The following ZNF367 variants were observed in gnomAD, a reference collection of about 807,000 sequenced individuals.
ZNF367 encodes the protein C2H2 zinc finger protein ZFF29.
Under a neutral mutation model 31.8 loss-of-function variants are expected in ZNF367, and 11 were observed. The observed-to-expected ratio is 0.35, with a 90% confidence interval of 0.22 to 0.57. The LOEUF is 0.57. Ranked by LOEUF, ZNF367 falls within the 20% of genes least tolerant of loss-of-function variation. ZNF367 has a pLI of 0.85. For missense variants in ZNF367, 353 were observed against 484.1 expected (o/e 0.73, Z 2.54); for synonymous variants, 199 against 202.4 (o/e 0.98, Z 0.14).
At chr9:96,405,314 C>CAAAAAAAAAAAAAAAAAA (rs975848691) in intron 1 of ZNF367, among the ~76,000 whole-genome samples, 1 of 55,144 alleles carries the variant, frequency 1.8e-5, no homozygotes, top group Non-Finnish European at 3.7e-5. Flanking sequence ...AACTCTGTCT[C>CAAAAAAAAAAAAAAAAAA]AAAAAAAAAA....
chr9:96,413,105 A>AG (rs1288991962), intron 1 of ZNF367, among the ~76,000 whole-genome samples: 2 of 152,226 alleles, frequency 1.3e-5, no homozygotes, highest in Non-Finnish European at 2.9e-5. Flanking sequence ...AGTGCAGTAT[A>AG]GGGACTAAGA....
chr9:96,409,744 TCTTG>T (rs1831717836), intron 1 of ZNF367, among the ~76,000 whole-genome samples: 1 of 152,222 alleles, frequency 6.6e-6, no homozygotes, highest in South Asian at 2.1e-4. Flanking sequence ...ATAGCTCAAG[TCTTG>T]CTTGCTAAAA....
Position 96,418,227 on chromosome 9 carries a change from C to T in ZNF367, c.-195G>A. On this transcript the variant is annotated 5_prime_UTR_variant, in exon 1 of 5. Coordinates refer to ENST00000375256, the MANE Select transcript of ZNF367 (RefSeq NM_153695.4). ...CGGCGGGCAGGGCTGGACCCCAGCCCCAGGTCAAGCGCGCCCTCCGCTCTT... is the reference window on the plus strand; with the variant it reads ...CGGCGGGCAGGGCTGGACCCCAGCCTCAGGTCAAGCGCGCCCTCCGCTCTT... The T allele has an allele frequency of 1.3e-6, 1 of 794,020 alleles. No individual in the cohort carries two copies. Among genetic ancestry groups the T allele is most frequent in the South Asian group, 5.8e-5 (1 of 17,182 alleles). The allele number at this position is 794,020 out of a possible 1,614,324, so 49.2% of individuals were successfully genotyped here. A position where few individuals can be genotyped will look rare whatever the true frequency, so the allele number is the denominator to read the frequency against.
chr9:96,406,661 T>A (rs1831674296), intron 1 of ZNF367, among the ~76,000 whole-genome samples: 1 of 152,200 alleles, frequency 6.6e-6, no homozygotes, highest in Non-Finnish European at 1.5e-5. Context: ...ATATGTTTTA[T>A]GTTGGTAAAT....
intron 1 of ZNF367, among the ~76,000 whole-genome samples, chr9:96,400,208 G>A (rs1817943627): frequency 1.3e-5 from 2 of 151,838 alleles, no homozygotes; most frequent in African/African-American, 4.8e-5. Context: ...AGAAGCCTGG[G>A]TAACATAGCA....
chr9:96,402,444 C>CTTTTTTTT (rs1174997133), intron 1 of ZNF367, among the ~76,000 whole-genome samples: 206 of 66,066 alleles, frequency 3.1e-3, no homozygotes, highest in East Asian at 4.1e-3. Flanking sequence ...TTCTTTCTTT[C>CTTTTTTTT]TTTTTTTTTT....
At chr9:96,393,058 C>G (rs544746439) in intron 3 of ZNF367, among the ~76,000 whole-genome samples, 1 of 152,316 alleles carries the variant, frequency 6.6e-6, no homozygotes, top group South Asian at 2.1e-4. Flanking sequence ...GCACTCCAGC[C>G]TGGCGACAGA....
At chr9:96,414,915 A>G (rs1245261757) in intron 1 of ZNF367, among the ~76,000 whole-genome samples, 1 of 152,242 alleles carries the variant, frequency 6.6e-6, no homozygotes, top group Non-Finnish European at 1.5e-5. Flanking sequence ...GAATAAAACC[A>G]TAAAGGCAAA....
At chr9:96,391,346 G>C (rs1831469807) in intron 4 of ZNF367, among the ~76,000 whole-genome samples, 2 of 152,244 alleles carry the variant, frequency 1.3e-5, no homozygotes, top group Non-Finnish European at 2.9e-5. Flanking sequence ...CAGCCCGTTT[G>C]TTGCTGAGCA....
chr9:96,389,502 G>A (rs1282870795), intron 4 of ZNF367, among the ~76,000 whole-genome samples: 1 of 151,778 alleles, frequency 6.6e-6, no homozygotes, highest in Non-Finnish European at 1.5e-5. Flanking sequence ...AGTGTTGTAT[G>A]GGGGGAAGGG....
At chr9:96,415,522 G>T (rs1831812891) in intron 1 of ZNF367, among the ~76,000 whole-genome samples, 1 of 93,368 alleles carries the variant, frequency 1.1e-5, no homozygotes, top group South Asian at 3.7e-4. Context: ...TTTTGAGACG[G>T]AGTCTCACTC....
At chr9:96,400,392 C>CAAA (rs57650386) in intron 1 of ZNF367, among the ~76,000 whole-genome samples, 13 of 71,832 alleles carry the variant, frequency 1.8e-4, no homozygotes, top group South Asian at 9.7e-4. Context: ...GACCCTGTCT[C>CAAA]AAAAAAAAAA....
At chr9:96,403,401 A>G (rs931810015) in intron 1 of ZNF367, among the ~76,000 whole-genome samples, 4 of 152,276 alleles carry the variant, frequency 2.6e-5, no homozygotes, top group Non-Finnish European at 5.9e-5. Flanking sequence ...GATGACTTAA[A>G]ATTGATAAGA....
chr9:96,414,087 CTCTA>C (rs1357583018), intron 1 of ZNF367, among the ~76,000 whole-genome samples: 2 of 152,218 alleles, frequency 1.3e-5, no homozygotes, highest in African/African-American at 2.4e-5. Context: ...GGCTGGGACT[CTCTA>C]TCTTTGTAGT....
At chr9:96,407,410 A>T in intron 1 of ZNF367, 1 of 1,464,228 alleles carries the variant, frequency 6.8e-7, no homozygotes, top group Non-Finnish European at 9.6e-7. Context: ...AAAGAAAATG[A>T]TTGGTCTGAA....
At chr9:96,415,052 A>G (rs1458851231) in intron 1 of ZNF367, among the ~76,000 whole-genome samples, 1 of 151,396 alleles carries the variant, frequency 6.6e-6, no homozygotes, top group Non-Finnish European at 1.5e-5. Flanking sequence ...TACCCATCCA[A>G]ATTTTTTTTT....
At position 96,393,427 on chromosome 9, in the gene ZNF367, A is replaced by C. The variant is rs1463103864; in HGVS notation, c.692-891T>G. Among the ~76,000 whole-genome samples, 4 of 152,162 alleles carry C rather than the reference A, an allele frequency of 2.6e-5. No individual in the cohort carries two copies. In the South Asian group the frequency reaches 6.2e-4, roughly 24 times the overall value. On this transcript the variant is annotated intron_variant, in intron 3 of 4. Transcript: ENST00000375256. ...TTCCAGCTACTCCAGAGGCTGAGGC[A>C]GGAGAATTGCTTGAACTCAGGAGGC...
At position 96,417,970 on chromosome 9, in the gene ZNF367, G is replaced by A. The variant is rs765434470; in HGVS notation, c.63C>T (p.Ile21=). 5 of 1,470,794 alleles carry A rather than the reference G, an allele frequency of 3.4e-6. No homozygotes were observed. The South Asian group carries it at 5.3e-5, about 15-fold the overall frequency. 91.1% of individuals were successfully genotyped at this position (1,470,794 alleles called of 1,614,324 possible). Residue 21 remains isoleucine (I), a synonymous_variant, in exon 1 of 5, where the codon ATC becomes ATT. Transcript: ENST00000375256. This position sits in a 1 kb window ranked among gnomAD's most constrained non-coding sequence, Gnocchi z 5.0. ...ENPPPPPPPV[I]FCHDSPKRVL... ...CCCGCTTCGGGGAGTCGTGGCAGAAGATGACGGGCGGCGGCGGCGGCGGCG... is the reference window on the plus strand; with the variant it reads ...CCCGCTTCGGGGAGTCGTGGCAGAAAATGACGGGCGGCGGCGGCGGCGGCG...
In ZNF367 at chr9:96,418,063, C is replaced by T; in HGVS notation, c.-31G>A. ...GGCCCGACCCCCAGCTCCGGCGGCC[C>T]CGGGCCGCACTCCTGAGCACCGCTC... On this transcript the variant is annotated 5_prime_UTR_variant, in exon 1 of 5. Coordinates refer to ENST00000375256, the MANE Select transcript of ZNF367 (RefSeq NM_153695.4). 1 of 1,351,336 alleles carries T rather than the reference C, an allele frequency of 7.4e-7. No individual in the cohort carries two copies. 83.7% of individuals were successfully genotyped at this position (1,351,336 alleles called of 1,614,324 possible).
Sources: allele counts gnomAD v4.1 joint callset (sites outside exome capture counted in the v4.1 genomes callset), GRCh38; gene constraint gnomAD v4.1.1; non-coding constraint Gnocchi (gnomAD v3.1); transcripts MANE v1.5; gene names NCBI Gene and HGNC (gene_info 2026-07-23, HGNC 2026-07-21).